Variants in ABHD12 observed in about 807,000 individuals in gnomAD.
ABHD12 encodes the protein abhydrolase domain containing 12, lysophospholipase, also known as lysophosphatidylserine lipase ABHD12.
ABHD12 carries 43 observed loss-of-function variants against 58.3 expected under a neutral mutation model. The observed-to-expected ratio is 0.74, with a 90% confidence interval of 0.58 to 0.95. ABHD12 has a LOEUF of 0.95. Among genes scored for constraint, ABHD12 ranks in the 40% least tolerant of loss-of-function variants. The pLI, the probability that ABHD12 is intolerant of heterozygous loss-of-function variation, is 0.00. For missense variants in ABHD12, 539 were observed against 537.2 expected, an observed-to-expected ratio of 1.00 and a Z score of -0.03; for synonymous variants, 219 against 211.2, an observed-to-expected ratio of 1.04 and a Z score of -0.32.
chr20:25,303,678 GC>G, intron 10 of ABHD12, 50 bp from the exon 11 acceptor site: 6 of 1,609,744 alleles, frequency 3.7e-6, no homozygotes, highest in Non-Finnish European at 5.1e-6. Flanking sequence ...GGGCAGAGTT[GC>G]CCAGACCCTC....
chr20:25,325,741 A>T (rs2482922), intron 2 of ABHD12, among the ~76,000 whole-genome samples: 3,788 of 152,174 alleles, frequency 0.025, 142 homozygotes, highest in African/African-American at 0.083. Flanking sequence ...ATTTTAAGCC[A>T]CTCAGTTTGC....
At chr20:25,310,904 G>C (rs1292815551) in intron 6 of ABHD12, among the ~76,000 whole-genome samples, 1 of 152,230 alleles carries the variant, frequency 6.6e-6, no homozygotes, top group African/African-American at 2.4e-5. Context: ...TGCTGCGTGG[G>C]ATTTCATTTC....
intron 1 of ABHD12, among the ~76,000 whole-genome samples, chr20:25,388,458 G>A (rs2090124082): frequency 6.6e-6 from 1 of 152,162 alleles, no homozygotes; most frequent in African/African-American, 2.4e-5. Context: ...AGGTCGACAG[G>A]AGTGGGCTGG....
At chr20:25,317,494 C>T (rs1286242529) in intron 4 of ABHD12, among the ~76,000 whole-genome samples, 3 of 152,208 alleles carry the variant, frequency 2.0e-5, no homozygotes, top group Non-Finnish European at 4.4e-5. Context: ...ACGTCTCAGC[C>T]GACCTTCAGA....
At chr20:25,374,853 T>C (rs899362896) in intron 1 of ABHD12, among the ~76,000 whole-genome samples, 16 of 152,208 alleles carry the variant, frequency 1.1e-4, no homozygotes, top group African/African-American at 3.4e-4. Flanking sequence ...CAGTACTCAG[T>C]CGGTTTTCAT....
intron 1 of ABHD12, chr20:25,390,169 T>G: frequency 4.7e-6 from 1 of 211,508 alleles, no homozygotes; most frequent in Non-Finnish European, 9.3e-6. Context: ...CGCGGGGTCA[T>G]GACTTCGGGC....
intron 9 of ABHD12, among the ~76,000 whole-genome samples, chr20:25,307,135 A>G (rs1471110383): frequency 6.6e-6 from 1 of 152,008 alleles, no homozygotes; most frequent in Non-Finnish European, 1.5e-5. Context: ...CAGAAGAATC[A>G]CCCGCCAGGC....
intron 1 of ABHD12, among the ~76,000 whole-genome samples, chr20:25,373,925 C>CATTT (rs964899265): frequency 1.3e-5 from 2 of 151,678 alleles, no homozygotes; most frequent in Non-Finnish European, 2.9e-5. Flanking sequence ...CATAGTGATG[C>CATTT]ATTTATTTAT....
intron 1 of ABHD12, among the ~76,000 whole-genome samples, chr20:25,367,916 G>A (rs576899291): frequency 9.0e-4 from 137 of 152,328 alleles, no homozygotes; most frequent in African/African-American, 3.1e-3. Flanking sequence ...TAGATACCCA[G>A]AAGCGCAGCT....
At chr20:25,388,789 T>TTTC (rs1555827337) in intron 1 of ABHD12, among the ~76,000 whole-genome samples, 14 of 137,614 alleles carry the variant, frequency 1.0e-4, no homozygotes, top group Admixed American at 3.5e-4. Flanking sequence ...GATTTTTTCT[T>TTTC]TTTTTTTTTT....
At chr20:25,298,946 G>A (rs1363732485), downstream of ABHD12, among the ~76,000 whole-genome samples, 1 of 152,200 alleles carries the variant, frequency 6.6e-6, no homozygotes, top group Non-Finnish European at 1.5e-5. Flanking sequence ...TGCCTCCCCA[G>A]GTCTGTGGGG....
At chr20:25,337,211 A>G (rs1375541363) in intron 2 of ABHD12, among the ~76,000 whole-genome samples, 1 of 152,210 alleles carries the variant, frequency 6.6e-6, no homozygotes, top group Non-Finnish European at 1.5e-5. Flanking sequence ...GGCTGCAGTG[A>G]GCCGTGATCA....
intron 1 of ABHD12, among the ~76,000 whole-genome samples, chr20:25,346,574 C>T (rs2089521692): frequency 6.6e-6 from 1 of 152,098 alleles, no homozygotes; most frequent in Admixed American, 6.6e-5. Context: ...AGGGGCGGGG[C>T]AGGAGTGTAT....
In ABHD12 at chr20:25,303,447, A is replaced by T. The variant is rs530664091; in HGVS notation, c.1029+103T>A. 261 of 1,549,400 alleles carry T rather than the reference A, an allele frequency of 1.7e-4. 4 individuals are homozygous for T. In the East Asian group the frequency reaches 6.2e-3, roughly 37 times the overall value. ...GCTGGTGCGCAGCCCGTGATGCAGC[A>T]TGCAGGGGCTGCCTTCCCGCCTGCC... On this transcript the variant is annotated intron_variant, in intron 11 of 12. Coordinates refer to ENST00000339157, the MANE Select transcript of ABHD12 (RefSeq NM_001042472.3).
chr20:25,301,028 G>C, intron 12 of ABHD12, 144 bp from the exon 13 acceptor site: 1 of 845,936 alleles, frequency 1.2e-6, no homozygotes, highest in Admixed American at 2.0e-5. Context: ...CTGTAGCCCA[G>C]AGCAGCACTC....
At chr20:25,367,018 T>C (rs1371942790) in intron 1 of ABHD12, among the ~76,000 whole-genome samples, 1 of 152,216 alleles carries the variant, frequency 6.6e-6, no homozygotes, top group Non-Finnish European at 1.5e-5. Flanking sequence ...TCATCTGAAC[T>C]TCAGAATCAG....
intron 1 of ABHD12, 49 bp from the exon 2 acceptor site, chr20:25,339,400 T>G (rs779895309): frequency 6.2e-7 from 1 of 1,613,454 alleles, no homozygotes; most frequent in Non-Finnish European, 8.5e-7. Context: ...GGTGCCATTT[T>G]GCTGTAGTTT....
rs761831989 is a variant in ABHD12, at chr20:25,303,637, G to A, written c.951-9C>T. On this transcript the variant is annotated splice_polypyrimidine_tract_variant and intron_variant, in intron 10 of 12. Transcript: ENST00000339157. ...AGGAGATGTGCTTCACGCTGTAGGA[G>A]GGAGAAGGGGCTAGACCAAGACCAG... is the stretch of plus-strand genomic sequence containing the variant. 44 of 1,613,466 alleles carry A rather than the reference G, an allele frequency of 2.7e-5. No homozygotes were observed. In the Middle Eastern group the frequency reaches 4.9e-4, roughly 18 times the overall value.
At chr20:25,371,473 G>A (rs373238516) in intron 1 of ABHD12, among the ~76,000 whole-genome samples, 82 of 152,272 alleles carry the variant, frequency 5.4e-4, no homozygotes, top group African/African-American at 1.9e-3. Context: ...TCTCTCTTCA[G>A]AAGTGATTCC....
Sources: allele counts gnomAD v4.1 joint callset (sites outside exome capture counted in the v4.1 genomes callset), GRCh38; gene constraint gnomAD v4.1.1; transcripts MANE v1.5; gene names NCBI Gene and HGNC (gene_info 2026-07-23, HGNC 2026-07-21).